Variants in PCM1 observed in about 807,000 individuals in gnomAD.
PCM1 encodes pericentriolar material 1, also known as pericentriolar material 1 protein.
In PCM1, 157 loss-of-function variants were observed where a neutral mutation model predicts 241.9. The ratio of observed to expected loss-of-function variants is 0.65; its 90% CI spans 0.57 to 0.74. The LOEUF (loss-of-function observed/expected upper bound fraction) is 0.74. Among genes scored for constraint, PCM1 ranks in the 30% least tolerant of loss-of-function variants. The probability of loss-of-function intolerance (pLI) is 0.00; values close to 1 mark genes in which losing one functional copy is unlikely to be tolerated. For missense variants in PCM1, 3,478 were observed against 2,360.1 expected (o/e 1.47, Z -9.81); for synonymous variants, 1,085 against 784.9 (o/e 1.38, Z -6.39).
In PCM1 at chr8:17,955,641, C is replaced by G; in HGVS notation, c.1460C>G (p.Ser487Cys). The change falls in exon 10 of 39, where the codon TCT (serine) becomes TGT (cysteine). Residue 487 changes from serine to cysteine, a missense_variant. Coordinates refer to ENST00000325083, the MANE Select transcript of PCM1 (RefSeq NM_006197.4). ...ESENEGHLNP[S>C]EKLQKLNEVR... ...GAAAACGAAGGCCACCTCAATCCAT[C>G]TGAAAAACTCCAGTAAAACATTTAT... The G allele has an allele frequency of 1.2e-6, 2 of 1,610,674 alleles. No individual in the cohort carries two copies. Among genetic ancestry groups the G allele is most frequent in the Middle Eastern group, 3.3e-4 (2 of 6,018 alleles).
intron 6 of PCM1, among the ~76,000 whole-genome samples, chr8:17,944,310 C>G (rs1367074587): frequency 6.6e-6 from 1 of 152,146 alleles, no homozygotes; most frequent in Non-Finnish European, 1.5e-5. Flanking sequence ...CCTGATTTCC[C>G]TTAACTGTGA....
chr8:17,964,842 G>A, intron 18 of PCM1, 74 bp downstream of exon 18: 1 of 1,117,230 alleles, frequency 9.0e-7, no homozygotes, highest in Non-Finnish European at 1.3e-6. Context: ...AAGCACTTCT[G>A]CAGTTCTCCA....
rs995200785 is a variant in PCM1, at chr8:17,993,624, G to A, written c.4827+5G>A. 1.9e-6 allele frequency: 3 copies of A among 1,568,624 alleles called. No homozygotes were observed. Among genetic ancestry groups the A allele is most frequent in the African/African-American group, 1.4e-5 (1 of 73,582 alleles). The stretch of plus-strand genomic sequence containing the variant: ...GAAGTCATTCCTTTTTTGAAGGTAA[G>A]CAATTATTTTAAAAAATAAACGAAA... On this transcript the variant is annotated splice_donor_5th_base_variant and intron_variant, in intron 29 of 38. Coordinates refer to ENST00000325083, the MANE Select transcript of PCM1 (RefSeq NM_006197.4).
intron 3 of PCM1, among the ~76,000 whole-genome samples, chr8:17,936,272 T>G (rs1440727476): frequency 1.3e-5 from 2 of 152,128 alleles, no homozygotes; most frequent in Non-Finnish European, 2.9e-5. Flanking sequence ...GAGGTGTAAG[T>G]AGTGTAACAG....
chr8:17,967,056 A>G lies in PCM1; in HGVS notation c.3298A>G (p.Ser1100Gly), dbSNP rs764264715. The G allele has an allele frequency of 4.3e-6, 7 of 1,609,962 alleles. No individual in the cohort carries two copies. The highest frequency in any genetic ancestry group is 5.9e-6 in the Non-Finnish European group (7 of 1,177,960). Reference sequence around the variant, plus strand: ...AAAACCTGGAGGCAAGGAAAGAGGCAGTAGTGCATCGCACCCTCCTTCTCC... The same window carrying G: ...AAAACCTGGAGGCAAGGAAAGAGGCGGTAGTGCATCGCACCCTCCTTCTCC... ...PEKPGGKERG[S>G]SASHPPSPSL... The change falls in exon 21 of 39, where the codon AGT becomes GGT. Residue 1100 changes from serine (S) to glycine (G), a missense_variant. Physicochemically the swap from Ser to Gly is moderately conservative, Grantham distance 56. Transcript: ENST00000325083.
At chr8:17,949,281 A>G (rs2065090476) in intron 7 of PCM1, among the ~76,000 whole-genome samples, 1 of 152,278 alleles carries the variant, frequency 6.6e-6, no homozygotes, top group African/African-American at 2.4e-5. Context: ...TATATGAGAC[A>G]TTATCTTGGG....
chr8:17,969,508 C>A (rs2076152640), intron 21 of PCM1, 69 bp from the exon 22 acceptor site: 4 of 1,141,502 alleles, frequency 3.5e-6, no homozygotes, highest in Non-Finnish European at 5.0e-6. Context: ...TTAAAACTGT[C>A]TTTTAATTTC....
Position 18,029,884 on chromosome 8 carries a change from A to G in PCM1, c.*2222A>G, listed in dbSNP as rs1216607171. 1 of 192,112 alleles carries G rather than the reference A, an allele frequency of 5.2e-6. No homozygotes were observed. Among genetic ancestry groups the G allele is most frequent in the Non-Finnish European group, 1.1e-5 (1 of 92,004 alleles). 11.9% of individuals were successfully genotyped at this position (192,112 alleles called of 1,614,324 possible). On this transcript the variant is annotated 3_prime_UTR_variant, in exon 39 of 39. Coordinates refer to ENST00000325083, the MANE Select transcript of PCM1 (RefSeq NM_006197.4). ...GCCAGACTGTGGAGGTACTCTTTGT[A>G]TTTTGTAACATTGACTTTGGGTAAA... is the stretch of plus-strand genomic sequence containing the variant.
chr8:18,024,479 G>C (rs966257804), intron 36 of PCM1, among the ~76,000 whole-genome samples: 2 of 152,076 alleles, frequency 1.3e-5, no homozygotes, highest in South Asian at 4.1e-4. Context: ...TAACTCTTTT[G>C]TTTGCCTCAC....
intron 23 of PCM1, among the ~76,000 whole-genome samples, chr8:17,979,669 A>G (rs2080023276): frequency 2.0e-5 from 3 of 152,232 alleles, no homozygotes; most frequent in African/African-American, 7.2e-5. Flanking sequence ...AAACATAACC[A>G]TGTTCTTAAG....
chr8:17,960,537 T>G (rs932770424), intron 15 of PCM1, 93 bp downstream of exon 15: 1 of 943,998 alleles, frequency 1.1e-6, no homozygotes, highest in Admixed American at 2.8e-5. Context: ...GTTTTTCTTT[T>G]TTTTTGAGGC....
Position 17,984,435 on chromosome 8 carries a change from AT to A in PCM1, c.4109-1008del, listed in dbSNP as rs569819657. ...TACGAGAACTTTAGTGTATCACTTG[AT>A]TTTATACCTGTAACTGAGGCAAAAT... is the stretch of plus-strand genomic sequence containing the variant. On this transcript the variant is annotated intron_variant, in intron 24 of 38. Transcript: ENST00000325083. Among the ~76,000 whole-genome samples, 13 of 152,044 alleles carry A rather than the reference AT, an allele frequency of 8.6e-5. No homozygotes were observed. The South Asian group carries it at 2.7e-3, about 32-fold the overall frequency.
chr8:18,002,849 G>GT (rs1179999732), intron 29 of PCM1, among the ~76,000 whole-genome samples: 1 of 120,682 alleles, frequency 8.3e-6, no homozygotes, highest in Non-Finnish European at 1.6e-5. Context: ...TTCTTCATGT[G>GT]TTTTTTGGCT....
chr8:18,025,500 G>A (rs1423324444), intron 37 of PCM1, 44 bp from the exon 38 acceptor site: 19 of 1,523,152 alleles, frequency 1.2e-5, no homozygotes, highest in Non-Finnish European at 1.7e-5. Context: ...AACAAATACT[G>A]TTAAAATGAA....
At chr8:18,013,393 C>T (rs1226648040) in intron 34 of PCM1, among the ~76,000 whole-genome samples, 3 of 152,104 alleles carry the variant, frequency 2.0e-5, no homozygotes, top group Admixed American at 6.5e-5. Flanking sequence ...TCCCAGTGGC[C>T]CCAGGTTTGG....
In PCM1 at chr8:17,946,397, G is replaced by A. The variant is rs370453676; in HGVS notation, c.784-789G>A. 5.9e-5 allele frequency among the ~76,000 whole-genome samples: 9 copies of A among 152,036 alleles called. No individual in the cohort carries two copies. The East Asian group carries it at 9.6e-4, about 16-fold the overall frequency. On this transcript the variant is annotated intron_variant, in intron 6 of 38. Transcript: ENST00000325083. Reference sequence around the variant, plus strand: ...TACATAAGATTATCAAATAAAAAATGTATTTTTAAAATTTCAGTCCTTTGT... The same window carrying A: ...TACATAAGATTATCAAATAAAAAATATATTTTTAAAATTTCAGTCCTTTGT...
Position 18,016,130 on chromosome 8 carries a change from C to T in PCM1, c.5841+1290C>T, listed in dbSNP as rs976494295. On this transcript the variant is annotated intron_variant, in intron 36 of 38. Coordinates refer to ENST00000325083, the MANE Select transcript of PCM1 (RefSeq NM_006197.4). ...ATCTCGATCTCCTGACATTGTAATC[C>T]GCCTGCCTCAGCCTCCCAAAGTGCT... 1.1e-4 allele frequency among the ~76,000 whole-genome samples: 16 copies of T among 152,094 alleles called. No individual in the cohort carries two copies. The East Asian group carries it at 2.3e-3, about 22-fold the overall frequency.
intron 36 of PCM1, 23 bp from the exon 37 acceptor site, chr8:18,025,336 ATT>A (rs574221636): frequency 4.8e-5 from 46 of 960,328 alleles, no homozygotes; most frequent in Admixed American, 6.7e-5. Flanking sequence ...TAGAGTATGT[ATT>A]TTTTTTTTTC....
At chr8:18,006,129 T>G (rs1386473263) in intron 29 of PCM1, 134 bp from the exon 30 acceptor site, 2 of 723,484 alleles carry the variant, frequency 2.8e-6, no homozygotes, top group African/African-American at 3.6e-5. Flanking sequence ...TGGATATTTC[T>G]AAACAGACAT....
Sources: allele counts gnomAD v4.1 joint callset (sites outside exome capture counted in the v4.1 genomes callset), GRCh38; gene constraint gnomAD v4.1.1; transcripts MANE v1.5; gene names NCBI Gene and HGNC (gene_info 2026-07-23, HGNC 2026-07-21).